Variants in PDS5B observed in about 807,000 individuals in gnomAD.
PDS5B encodes sister chromatid cohesion protein PDS5 homolog B.
Under a neutral mutation model 184.1 loss-of-function variants are expected in PDS5B, and 51 were observed. That is an observed-to-expected ratio of 0.28 (90% confidence interval 0.22 to 0.35). PDS5B has a LOEUF of 0.35. Among genes scored for constraint, PDS5B ranks in the 10% least tolerant of loss-of-function variants. PDS5B has a pLI of 1.00. For synonymous variants in PDS5B, 566 were observed against 569.2 expected (o/e 0.99, Z 0.08); for missense variants, 1,180 against 1,723.3 (o/e 0.68, Z 5.58).
intron 1 of PDS5B, among the ~76,000 whole-genome samples, chr13:32,608,653 A>T (rs1455032274): frequency 6.6e-6 from 1 of 152,182 alleles, no homozygotes; most frequent in Non-Finnish European, 1.5e-5. Flanking sequence ...CATAAGCTCA[A>T]ACTTGAACCT....
At chr13:32,645,326 T>C (rs1950190254) in intron 1 of PDS5B, among the ~76,000 whole-genome samples, 1 of 152,190 alleles carries the variant, frequency 6.6e-6, no homozygotes, top group Admixed American at 6.5e-5. Context: ...TTATGCTAAT[T>C]AGTTGCTTAA....
chr13:32,691,723 T>G (rs1447696272), intron 13 of PDS5B, among the ~76,000 whole-genome samples: 1 of 152,122 alleles, frequency 6.6e-6, no homozygotes, highest in African/African-American at 2.4e-5. Context: ...ATCACTAGTA[T>G]ATAGCTAGGA....
chr13:32,706,403 T>C (rs1219335798), intron 17 of PDS5B, among the ~76,000 whole-genome samples: 2 of 152,114 alleles, frequency 1.3e-5, no homozygotes, highest in Non-Finnish European at 2.9e-5. Context: ...GTTCCTTTTC[T>C]GATGTTCTAA....
chr13:32,594,890 CT>C (rs2057834940), intron 1 of PDS5B, among the ~76,000 whole-genome samples: 1 of 151,994 alleles, frequency 6.6e-6, no homozygotes, highest in South Asian at 2.1e-4. Context: ...GATATAGTTG[CT>C]TTTTTAGTTT....
chr13:32,643,512 CT>C (rs1950150028), intron 1 of PDS5B, among the ~76,000 whole-genome samples: 1 of 152,110 alleles, frequency 6.6e-6, no homozygotes, highest in African/African-American at 2.4e-5. Context: ...ATCGCTACCA[CT>C]TTTTTTCATA....
intron 19 of PDS5B, among the ~76,000 whole-genome samples, chr13:32,716,432 C>G (rs1952416343): frequency 2.0e-5 from 3 of 151,572 alleles, no homozygotes; most frequent in African/African-American, 7.3e-5. Flanking sequence ...TGGCAACCGC[C>G]CCATCTGAGA....
intron 1 of PDS5B, among the ~76,000 whole-genome samples, chr13:32,588,186 A>G (rs1007685399): frequency 6.6e-6 from 1 of 152,202 alleles, no homozygotes; most frequent in African/African-American, 2.4e-5. Context: ...TCAATGGTGT[A>G]TGCAGGTCAG....
intron 1 of PDS5B, among the ~76,000 whole-genome samples, chr13:32,620,561 G>A (rs1258410796): frequency 6.6e-6 from 1 of 152,058 alleles, no homozygotes; most frequent in Non-Finnish European, 1.5e-5. Context: ...GCAGGCTGAG[G>A]CGGGAGAATG....
At chr13:32,606,036 G>T (rs578249884) in intron 1 of PDS5B, among the ~76,000 whole-genome samples, 2 of 152,178 alleles carry the variant, frequency 1.3e-5, no homozygotes, top group South Asian at 2.1e-4. Flanking sequence ...GCCAGTCTGT[G>T]TCTTTTAATT....
intron 23 of PDS5B, 82 bp from the exon 24 acceptor site, chr13:32,745,895 A>G: frequency 8.3e-7 from 1 of 1,201,778 alleles, no homozygotes; most frequent in Admixed American, 2.2e-5. Context: ...TTGTGCCAGA[A>G]TTTTTAATAA....
At chr13:32,686,681 A>G (rs1951400545) in intron 11 of PDS5B, among the ~76,000 whole-genome samples, 1 of 152,196 alleles carries the variant, frequency 6.6e-6, no homozygotes. Flanking sequence ...GCTACTCTGG[A>G]GGCTGAGGTA....
At chr13:32,742,509 C>A (rs2140975163) in intron 22 of PDS5B, 82 bp from the exon 23 acceptor site, 1 of 1,138,012 alleles carries the variant, frequency 8.8e-7, no homozygotes, top group Non-Finnish European at 1.3e-6. Flanking sequence ...CCATTAAATA[C>A]ATTTTATTTT....
chr13:32,718,854 A>G (rs1204967637), intron 19 of PDS5B, among the ~76,000 whole-genome samples: 2 of 152,352 alleles, frequency 1.3e-5, no homozygotes, highest in East Asian at 3.9e-4. Flanking sequence ...AGTAAAGTAT[A>G]CAAGAAATTT....
intron 1 of PDS5B, among the ~76,000 whole-genome samples, chr13:32,601,582 T>C (rs1167895299): frequency 6.6e-6 from 1 of 152,230 alleles, no homozygotes; most frequent in African/African-American, 2.4e-5. Flanking sequence ...GAAAATATCA[T>C]TTTTCAGCTG....
chr13:32,770,807 C>T (rs1347989987), intron 33 of PDS5B, 46 bp downstream of exon 33: 3 of 1,402,626 alleles, frequency 2.1e-6, no homozygotes, highest in Non-Finnish European at 3.0e-6. Context: ...AATTATTTTG[C>T]AAAAGTTCCT....
intron 1 of PDS5B, among the ~76,000 whole-genome samples, chr13:32,636,111 A>G (rs765045911): frequency 3.9e-5 from 6 of 152,104 alleles, no homozygotes; most frequent in Non-Finnish European, 7.3e-5. Context: ...TTCCCTAAAG[A>G]GCCTGAAGTA....
intron 24 of PDS5B, among the ~76,000 whole-genome samples, chr13:32,747,344 A>G (rs1435771384): frequency 6.6e-6 from 1 of 152,278 alleles, no homozygotes; most frequent in Non-Finnish European, 1.5e-5. Flanking sequence ...ATTCTAGTAC[A>G]TATTTTTAAA....
intron 6 of PDS5B, among the ~76,000 whole-genome samples, chr13:32,665,321 G>A (rs1287757575): frequency 1.3e-5 from 2 of 152,084 alleles, no homozygotes; most frequent in African/African-American, 2.4e-5. Context: ...GCTGGGCACA[G>A]TGGCTCAAGT....
chr13:32,704,750 A>ATATGAGAC (rs1951958702), intron 17 of PDS5B, among the ~76,000 whole-genome samples: 1 of 152,210 alleles, frequency 6.6e-6, no homozygotes, highest in Non-Finnish European at 1.5e-5. Context: ...CTAAGCACTA[A>ATATGAGAC]TTAATTCTTC....
Sources: allele counts gnomAD v4.1 joint callset (sites outside exome capture counted in the v4.1 genomes callset), GRCh38; gene constraint gnomAD v4.1.1; transcripts MANE v1.5; gene names NCBI Gene and HGNC (gene_info 2026-07-23, HGNC 2026-07-21).